NUDT3: variants seen among roughly 807,000 people sequenced by gnomAD.
NUDT3 encodes the protein nudix hydrolase 3, also known as diphosphoinositol polyphosphate phosphohydrolase 1.
A neutral mutation model predicts 23.6 loss-of-function variants in NUDT3; 9 were observed. The ratio of observed to expected loss-of-function variants is 0.38; its 90% CI spans 0.23 to 0.66. The LOEUF is 0.66. Among genes scored for constraint, NUDT3 ranks in the 30% least tolerant of loss-of-function variants. NUDT3 has a pLI of 0.52. For missense variants in NUDT3, 172 were observed against 218.5 expected, an observed-to-expected ratio of 0.79 and a Z score of 1.34; for synonymous variants, 86 against 82.6, an observed-to-expected ratio of 1.04 and a Z score of -0.22.
intron 1 of NUDT3, among the ~76,000 whole-genome samples, chr6:34,372,935 C>T (rs2113761020): frequency 6.6e-6 from 1 of 151,874 alleles, no homozygotes; most frequent in South Asian, 2.1e-4. Flanking sequence ...TCCCTGCCCC[C>T]ACTAAATCTG....
In NUDT3 at chr6:34,358,258, TACACAC is replaced by T. The variant is rs71538235; in HGVS notation, c.100-16292_100-16287del. ...GAACTCAGAAACTGCATGAGTAGTT[TACACAC>T]ACACACACACACACACACACACACA... On this transcript the variant is annotated intron_variant, in intron 1 of 4. Transcript: ENST00000607016. Among the ~76,000 whole-genome samples, 511 of 144,690 alleles carry T rather than the reference TACACAC, an allele frequency of 3.5e-3. 2 individuals carry two copies. Among genetic ancestry groups the T allele is most frequent in the Middle Eastern group, 0.014 (4 of 284 alleles). 94.9% of individuals were successfully genotyped at this position (144,690 alleles called of 152,430 possible).
At position 34,392,212 on chromosome 6, in the gene NUDT3, C is replaced by A. The variant is rs999142245; in HGVS notation, c.99+52G>T. ...GCGGCCGCGCCCCTCGCGCCTCCACCCGAAGGGGCCGGAGACCCGGCGACC... is the reference window on the plus strand; with the variant it reads ...GCGGCCGCGCCCCTCGCGCCTCCACACGAAGGGGCCGGAGACCCGGCGACC... On this transcript the variant is annotated intron_variant, in intron 1 of 4. Transcript: ENST00000607016. 8.9e-6 allele frequency: 13 copies of A among 1,468,220 alleles called. 1 individual carries two copies. The South Asian group carries it at 1.5e-4, about 17-fold the overall frequency. The allele number at this position is 1,468,220 out of a possible 1,614,324, so 90.9% of individuals were successfully genotyped here. A position where few individuals can be genotyped will look rare whatever the true frequency, so the allele number is the denominator to read the frequency against.
At chr6:34,388,263 C>T (rs1019890890) in intron 1 of NUDT3, among the ~76,000 whole-genome samples, 4 of 152,080 alleles carry the variant, frequency 2.6e-5, no homozygotes, top group African/African-American at 9.7e-5. Context: ...AGTACGTATC[C>T]CCAACGTTAA....
intron 3 of NUDT3, among the ~76,000 whole-genome samples, 187 bp from the exon 4 acceptor site, chr6:34,293,722 CTCT>C (rs1351233408): frequency 6.6e-6 from 1 of 152,206 alleles, no homozygotes; most frequent in Non-Finnish European, 1.5e-5. Context: ...TGAGGGTGTG[CTCT>C]TTGGCTGGAC....
In NUDT3 at chr6:34,392,332, T is replaced by C; in HGVS notation, c.31A>G (p.Thr11Ala). The change falls in exon 1 of 5, where the codon ACC becomes GCC. Residue 11 changes from threonine (T) to alanine (A), a missense_variant. By Grantham distance (58) the Thr-to-Ala change is moderately conservative (BLOSUM62 0). Coordinates refer to ENST00000607016, the MANE Select transcript of NUDT3 (RefSeq NM_006703.4). Reference protein sequence around the residue: MMKLKSNQTRTYDGDGYKKRA... With the variant: MMKLKSNQTRAYDGDGYKKRA... The stretch of plus-strand genomic sequence containing the variant: ...TTCTTGTAGCCGTCGCCGTCGTAGG[T>C]GCGGGTCTGGTTCGACTTGAGCTTC... 6.2e-7 allele frequency: 1 copy of C among 1,606,148 alleles called. No homozygotes were observed. The highest frequency in any genetic ancestry group is 8.5e-7 in the Non-Finnish European group (1 of 1,177,404).
intron 2 of NUDT3, among the ~76,000 whole-genome samples, chr6:34,312,899 G>A (rs1258366422): frequency 6.6e-6 from 1 of 152,172 alleles, no homozygotes; most frequent in African/African-American, 2.4e-5. Flanking sequence ...AGGCATGGTG[G>A]CTCACGTCTA....
At chr6:34,356,923 G>A (rs1159363446) in intron 1 of NUDT3, among the ~76,000 whole-genome samples, 3 of 151,998 alleles carry the variant, frequency 2.0e-5, no homozygotes, top group East Asian at 1.9e-4. Flanking sequence ...GACTACAGGC[G>A]CCCGCCACCA....
intron 1 of NUDT3, among the ~76,000 whole-genome samples, chr6:34,384,666 C>T (rs1231521783): frequency 6.6e-6 from 1 of 152,154 alleles, no homozygotes; most frequent in Non-Finnish European, 1.5e-5. Context: ...ATTATAAAAT[C>T]TTACTCAAGA....
Position 34,385,889 on chromosome 6 carries a change from G to T in NUDT3, c.99+6375C>A, listed in dbSNP as rs568527722. On this transcript the variant is annotated intron_variant, in intron 1 of 4. Coordinates refer to ENST00000607016, the MANE Select transcript of NUDT3 (RefSeq NM_006703.4). Reference sequence around the variant, plus strand: ...AGTAAAGAGGGGGTTTCACCATGTTGCCTAGGTTGGTCTCAAATTCCTGGG... The same window carrying T: ...AGTAAAGAGGGGGTTTCACCATGTTTCCTAGGTTGGTCTCAAATTCCTGGG... Among the ~76,000 whole-genome samples, 17 of 152,194 alleles carry T rather than the reference G, an allele frequency of 1.1e-4. No individual in the cohort carries two copies. In the South Asian group the frequency reaches 3.5e-3, roughly 32 times the overall value.
At chr6:34,327,405 C>G (rs1215440968) in intron 2 of NUDT3, among the ~76,000 whole-genome samples, 1 of 151,818 alleles carries the variant, frequency 6.6e-6, no homozygotes, top group Non-Finnish European at 1.5e-5. Flanking sequence ...TAGTGCGCAC[C>G]TGTATTCCCA....
At chr6:34,370,171 T>A (rs1764804055) in intron 1 of NUDT3, among the ~76,000 whole-genome samples, 1 of 152,202 alleles carries the variant, frequency 6.6e-6, no homozygotes, top group South Asian at 2.1e-4. Flanking sequence ...TAGTTTCTGC[T>A]GCCTTCTTGG....
rs552691539 is a variant in NUDT3, at chr6:34,281,666, G to A, written c.*7087C>T. ...ACTACTAATGCAACACCATGCCACT[G>A]GGCCCTGGACTCTGATGTTTCTGAT... On this transcript the variant is annotated 3_prime_UTR_variant, in exon 5 of 5. Coordinates refer to ENST00000607016, the MANE Select transcript of NUDT3 (RefSeq NM_006703.4). 1 of 152,294 alleles carries A rather than the reference G, an allele frequency of 6.6e-6. No individual in the cohort carries two copies. Among genetic ancestry groups the A allele is most frequent in the Admixed American group, 6.5e-5 (1 of 15,288 alleles). The allele number at this position is 152,294 out of a possible 1,614,324, so 9.4% of individuals were successfully genotyped here. A position where few individuals can be genotyped will look rare whatever the true frequency, so the allele number is the denominator to read the frequency against.
intron 2 of NUDT3, among the ~76,000 whole-genome samples, chr6:34,311,969 T>TC (rs1182476550): frequency 2.6e-5 from 4 of 152,034 alleles, no homozygotes; most frequent in African/African-American, 9.7e-5. Flanking sequence ...ACTATAATAC[T>TC]CCCAGAAGGT....
At chr6:34,318,951 C>G (rs1005111826) in intron 2 of NUDT3, among the ~76,000 whole-genome samples, 3 of 150,760 alleles carry the variant, frequency 2.0e-5, no homozygotes, top group Non-Finnish European at 4.4e-5. Context: ...CCAAAAGACA[C>G]AGAAAGTTAG....
intron 1 of NUDT3, among the ~76,000 whole-genome samples, chr6:34,378,391 T>C (rs904821645): frequency 6.6e-6 from 1 of 152,194 alleles, no homozygotes; most frequent in African/African-American, 2.4e-5. Flanking sequence ...ACTCAACATG[T>C]ATACGTTTCT....
At chr6:34,313,760 A>C (rs1376991899) in intron 2 of NUDT3, among the ~76,000 whole-genome samples, 1 of 151,336 alleles carries the variant, frequency 6.6e-6, no homozygotes, top group Non-Finnish European at 1.5e-5. Context: ...CAGGAGATCG[A>C]GACCATCCTG....
chr6:34,313,990 G>A (rs1415701720), intron 2 of NUDT3, among the ~76,000 whole-genome samples: 30 of 151,950 alleles, frequency 2.0e-4, no homozygotes, highest in Admixed American at 1.8e-3. Context: ...CCAGCTACTC[G>A]GGAGGCTGAG....
At chr6:34,319,754 C>T (rs1376224771) in intron 2 of NUDT3, among the ~76,000 whole-genome samples, 1 of 152,198 alleles carries the variant, frequency 6.6e-6, no homozygotes, top group African/African-American at 2.4e-5. Flanking sequence ...AGGATTTCTT[C>T]CTCTAACATA....
At position 34,292,580 on chromosome 6, in the gene NUDT3, T is replaced by C. The variant is rs887242846; in HGVS notation, c.340+871A>G. ...CTTTTGTAAAAGTTCATAAATTTTA[T>C]CATTTTTATATTCATATAAAATATG... On this transcript the variant is annotated intron_variant, in intron 4 of 4. Coordinates refer to ENST00000607016, the MANE Select transcript of NUDT3 (RefSeq NM_006703.4). Among the ~76,000 whole-genome samples the C allele has an allele frequency of 4.1e-4, 62 of 151,954 alleles. 1 individual carries two copies. Among genetic ancestry groups the C allele is most frequent in the African/African-American group, 1.4e-3 (59 of 41,526 alleles).
Sources: allele counts gnomAD v4.1 joint callset (sites outside exome capture counted in the v4.1 genomes callset), GRCh38; gene constraint gnomAD v4.1.1; transcripts MANE v1.5; gene names NCBI Gene and HGNC (gene_info 2026-07-23, HGNC 2026-07-21).